SH3D19: variants seen among roughly 807,000 people sequenced by gnomAD.
SH3D19 encodes SH3 domain-containing protein 19.
SH3D19 carries 58 observed loss-of-function variants against 112.1 expected under a neutral mutation model. The ratio of observed to expected loss-of-function variants is 0.52; its 90% CI spans 0.42 to 0.64. The LOEUF is 0.64. Among genes scored for constraint, SH3D19 ranks in the 30% least tolerant of loss-of-function variants. The pLI is 0.00. For synonymous variants in SH3D19, 391 were observed against 448.5 expected, an observed-to-expected ratio of 0.87 and a Z score of 1.62; for missense variants, 1,090 against 1,263.4, an observed-to-expected ratio of 0.86 and a Z score of 2.08.
chr4:151,262,566 C>T (rs1013112671), intron 1 of SH3D19, among the ~76,000 whole-genome samples: 1 of 152,224 alleles, frequency 6.6e-6, no homozygotes, highest in Non-Finnish European at 1.5e-5. Flanking sequence ...TTCAGAGACC[C>T]TGGGTGAACC....
Position 151,137,835 on chromosome 4 carries a change from G to A in SH3D19, c.2324C>T (p.Ser775Phe). 6.2e-7 allele frequency: 1 copy of A among 1,608,954 alleles called. No individual in the cohort carries two copies. The highest frequency in any genetic ancestry group is 8.5e-7 in the Non-Finnish European group (1 of 1,178,196). ...AEQVDDLNLTSGEIVYLLEKI... is the reference protein window; with the variant it reads ...AEQVDDLNLTFGEIVYLLEKI... ...CTCCAGAAGATAAACAATTTCTCCA[G>A]AAGTGAGGTTCAAATCATCAACTTG... Residue 775 changes from serine (S) to phenylalanine (F), a missense_variant, in exon 14 of 20, where the codon TCT becomes TTT. By Grantham distance (155) the Ser-to-Phe change is radical. Coordinates refer to ENST00000604030, the MANE Select transcript of SH3D19 (RefSeq NM_001378122.1).
intron 1 of SH3D19, among the ~76,000 whole-genome samples, chr4:151,310,675 G>A (rs1488557252): frequency 6.6e-6 from 1 of 151,438 alleles, no homozygotes; most frequent in East Asian, 2.0e-4. Flanking sequence ...GGGTTCAAGT[G>A]ATTCTCATGC....
At chr4:151,200,599 G>C (rs1409390607) in intron 2 of SH3D19, among the ~76,000 whole-genome samples, 2 of 152,042 alleles carry the variant, frequency 1.3e-5, no homozygotes, top group Non-Finnish European at 1.5e-5. Flanking sequence ...CCACAAAACT[G>C]GCAAATTAGG....
chr4:151,295,645 G>A (rs1775650347), intron 1 of SH3D19, among the ~76,000 whole-genome samples: 2 of 152,102 alleles, frequency 1.3e-5, no homozygotes, highest in Non-Finnish European at 2.9e-5. Flanking sequence ...CTCTACACCT[G>A]GAATACCTTT....
At chr4:151,248,345 C>T (rs1384648556) in intron 1 of SH3D19, among the ~76,000 whole-genome samples, 1 of 152,088 alleles carries the variant, frequency 6.6e-6, no homozygotes, top group Non-Finnish European at 1.5e-5. Flanking sequence ...AAGTGTTTTA[C>T]CCACAGTGTT....
At chr4:151,294,940 A>T (rs1290982589) in intron 1 of SH3D19, among the ~76,000 whole-genome samples, 1 of 152,152 alleles carries the variant, frequency 6.6e-6, no homozygotes, top group Non-Finnish European at 1.5e-5. Context: ...AGAGGAGGGA[A>T]GCAAGGACTA....
Position 151,144,057 on chromosome 4 carries a change from G to C in SH3D19, c.2083-7C>G. On this transcript the variant is annotated splice_polypyrimidine_tract_variant and splice_region_variant and intron_variant, in intron 11 of 19. Coordinates refer to ENST00000604030, the MANE Select transcript of SH3D19 (RefSeq NM_001378122.1). ...TCACAAGTACATCCCCACGCTGCAA[G>C]GTACAATACCACTCTCTGAAGCAAT... is the stretch of plus-strand genomic sequence containing the variant. The C allele has an allele frequency of 6.2e-7, 1 of 1,606,112 alleles. No individual in the cohort carries two copies. Among genetic ancestry groups the C allele is most frequent in the African/African-American group, 1.3e-5 (1 of 74,496 alleles).
rs112255056 is a variant in SH3D19 at position 151,195,065 on chromosome 4, C to A, written c.153-7602G>T. Reference sequence around the variant, plus strand: ...CTCCAGCCTAGGCGACAAAGGAAGACCATCTTAAAAAAAAAAAAAAAAAGG... The same window carrying A: ...CTCCAGCCTAGGCGACAAAGGAAGAACATCTTAAAAAAAAAAAAAAAAAGG... On this transcript the variant is annotated intron_variant, in intron 2 of 19. Transcript: ENST00000604030. Among the ~76,000 whole-genome samples the A allele has an allele frequency of 3.7e-3, 420 of 114,320 alleles. 1 individual carries two copies. Among genetic ancestry groups the A allele is most frequent in the African/African-American group, 0.011 (398 of 35,838 alleles). 75.0% of individuals were successfully genotyped at this position (114,320 alleles called of 152,430 possible).
intron 1 of SH3D19, among the ~76,000 whole-genome samples, chr4:151,241,092 C>T (rs1770513717): frequency 6.7e-6 from 1 of 149,842 alleles, no homozygotes; most frequent in Admixed American, 6.7e-5. Context: ...TGAGACCAGC[C>T]TGGGTAAGGT....
At chr4:151,138,527 T>C (rs1296749250) in intron 13 of SH3D19, among the ~76,000 whole-genome samples, 1 of 151,518 alleles carries the variant, frequency 6.6e-6, no homozygotes, top group Admixed American at 6.6e-5. Context: ...AGCGAGACCA[T>C]GTCCCTAGGA....
In SH3D19 at chr4:151,165,633, G is replaced by T; in HGVS notation, c.1598C>A (p.Thr533Asn). Residue 533 changes from threonine (T) to asparagine (N), a missense_variant, in exon 8 of 20, where the codon ACC becomes AAC. Physicochemically the swap from Thr to Asn is moderately conservative, Grantham distance 65. Coordinates refer to ENST00000604030, the MANE Select transcript of SH3D19 (RefSeq NM_001378122.1). ...IKERAVQPAP[T>N]RKPTVIRIPA... ...AATTCGAATTACAGTGGGCTTCCTG[G>T]TGGGTGCTGGTTGAACTGCTCGTTC... 3 of 1,614,140 alleles carry T rather than the reference G, an allele frequency of 1.9e-6. No homozygotes were observed. Among genetic ancestry groups the T allele is most frequent in the South Asian group, 1.1e-5 (1 of 91,082 alleles).
intron 1 of SH3D19, among the ~76,000 whole-genome samples, chr4:151,292,341 T>C (rs1775400294): frequency 6.6e-6 from 1 of 151,456 alleles, no homozygotes. Context: ...GAAATGCATA[T>C]ATGTAGTTCA....
At chr4:151,126,224 C>A (rs1749289859) in intron 19 of SH3D19, among the ~76,000 whole-genome samples, 1 of 152,178 alleles carries the variant, frequency 6.6e-6, no homozygotes, top group South Asian at 2.1e-4. Context: ...TGTTGCTCGG[C>A]CTTTTTCTCA....
chr4:151,137,931 A>G (rs1752192049), intron 13 of SH3D19, 69 bp from the exon 14 acceptor site: 4 of 1,388,466 alleles, frequency 2.9e-6, no homozygotes, highest in Admixed American at 2.4e-5. Context: ...AGCACAAAGT[A>G]GCATTTAGTT....
At chr4:151,210,052 G>C (rs1765712369) in intron 2 of SH3D19, among the ~76,000 whole-genome samples, 1 of 152,114 alleles carries the variant, frequency 6.6e-6, no homozygotes, top group African/African-American at 2.4e-5. Flanking sequence ...AAAAAACACA[G>C]GGAAAGGGAA....
chr4:151,264,610 A>G (rs1010731832), intron 1 of SH3D19, among the ~76,000 whole-genome samples: 1 of 152,140 alleles, frequency 6.6e-6, no homozygotes, highest in East Asian at 1.9e-4. Flanking sequence ...TGAGAGCCTG[A>G]GAAGCTAAGG....
intron 2 of SH3D19, among the ~76,000 whole-genome samples, chr4:151,208,797 C>T (rs1005153377): frequency 4.1e-4 from 63 of 152,222 alleles, no homozygotes; most frequent in African/African-American, 1.5e-3. Flanking sequence ...CCTGCCTTAG[C>T]CTCCCGAGTA....
At chr4:151,317,817 T>C (rs1255173038) in intron 1 of SH3D19, among the ~76,000 whole-genome samples, 5 of 151,460 alleles carry the variant, frequency 3.3e-5, no homozygotes, top group Non-Finnish European at 7.4e-5. Context: ...CTACTAACAA[T>C]ACAAAAATCA....
chr4:151,185,267 C>A (rs990938089), intron 3 of SH3D19, among the ~76,000 whole-genome samples: 41 of 152,056 alleles, frequency 2.7e-4, no homozygotes, highest in African/African-American at 9.7e-4. Context: ...AGGCCTTTCA[C>A]AGCAGGGCTG....
Sources: gnomAD v4.1 joint callset for allele counts (sites outside exome capture counted in the v4.1 genomes callset) on GRCh38, gnomAD v4.1.1 for gene constraint, MANE v1.5 for transcripts, NCBI Gene and HGNC (gene_info 2026-07-23, HGNC 2026-07-21) for gene names.